The following ANO4 variants were observed in gnomAD, a reference collection of about 807,000 sequenced individuals.
The protein encoded by ANO4 is anoctamin-4.
In ANO4, 69 loss-of-function variants were observed where a neutral mutation model predicts 141.9. That is an observed-to-expected ratio of 0.49 (90% confidence interval 0.40 to 0.59). ANO4 has a LOEUF of 0.59. Ranked by LOEUF, ANO4 falls within the 20% of genes least tolerant of loss-of-function variation. ANO4 has a pLI of 0.00. For synonymous variants in ANO4, 350 were observed against 394.3 expected (o/e 0.89, Z 1.33); for missense variants, 894 against 1,162.2 (o/e 0.77, Z 3.36).
At chr12:101,052,652 T>TA (rs935874930) in intron 14 of ANO4, among the ~76,000 whole-genome samples, 6 of 152,334 alleles carry the variant, frequency 3.9e-5, no homozygotes, top group Admixed American at 3.3e-4. Context: ...ATGTCTCATT[T>TA]AAAAAAATAA....
chr12:100,737,747 G>A (rs1446400920), intron 2 of ANO4, among the ~76,000 whole-genome samples: 1 of 152,196 alleles, frequency 6.6e-6, no homozygotes, highest in Non-Finnish European at 1.5e-5. Context: ...AGCACTAGAG[G>A]GAGGACAGAT....
At chr12:101,022,530 A>G (rs1364872149) in intron 9 of ANO4, among the ~76,000 whole-genome samples, 1 of 152,248 alleles carries the variant, frequency 6.6e-6, no homozygotes, top group African/African-American at 2.4e-5. Context: ...TTATTCATTC[A>G]TATGGTTTTT....
At chr12:100,887,866 A>T (rs972974946) in intron 1 of ANO4, among the ~76,000 whole-genome samples, 6 of 152,202 alleles carry the variant, frequency 3.9e-5, no homozygotes, top group Admixed American at 3.9e-4. Flanking sequence ...TTGTGATGAT[A>T]TAGAGTTTAT....
At chr12:100,908,281 G>A (rs1486334751) in intron 2 of ANO4, among the ~76,000 whole-genome samples, 3 of 152,166 alleles carry the variant, frequency 2.0e-5, no homozygotes, top group Non-Finnish European at 4.4e-5. Context: ...CTCGGGAGGC[G>A]GAGGTTGCGG....
intron 3 of ANO4, among the ~76,000 whole-genome samples, chr12:100,752,735 T>G (rs2032440148): frequency 6.6e-6 from 1 of 152,210 alleles, no homozygotes; most frequent in Admixed American, 6.5e-5. Context: ...GGCAAAGATG[T>G]GATCCCTCAA....
chr12:100,916,374 AAAAT>A (rs2041341515), intron 2 of ANO4, among the ~76,000 whole-genome samples: 2 of 151,942 alleles, frequency 1.3e-5, no homozygotes, highest in Admixed American at 1.3e-4. Flanking sequence ...AGACTAAAAA[AAAAT>A]CAGAGCGTCT....
chr12:101,065,576 C>T (rs536258954), intron 14 of ANO4, among the ~76,000 whole-genome samples: 6 of 152,240 alleles, frequency 3.9e-5, no homozygotes, highest in Non-Finnish European at 8.8e-5. Context: ...ATTCCAAAAT[C>T]TGAACAGACC....
chr12:101,093,848 A>G (rs925881496), intron 17 of ANO4, among the ~76,000 whole-genome samples: 2 of 152,154 alleles, frequency 1.3e-5, no homozygotes, highest in Non-Finnish European at 2.9e-5. Flanking sequence ...CAGTCCATAA[A>G]GAATAGGATT....
At chr12:100,959,878 A>G (rs12578778) in intron 5 of ANO4, among the ~76,000 whole-genome samples, 18,209 of 152,054 alleles carry the variant, frequency 0.12, 1,400 homozygotes, top group East Asian at 0.4. Context: ...ATAGCTTTAT[A>G]TAGCTTCTGC....
At chr12:100,720,110 C>T (rs2030797472) in intron 1 of ANO4, among the ~76,000 whole-genome samples, 1 of 152,060 alleles carries the variant, frequency 6.6e-6, no homozygotes, top group Non-Finnish European at 1.5e-5. Flanking sequence ...GGATGGGAGA[C>T]AAGTATTTTT....
At chr12:100,978,362 A>G (rs1373105745) in intron 7 of ANO4, among the ~76,000 whole-genome samples, 1 of 152,230 alleles carries the variant, frequency 6.6e-6, no homozygotes, top group Non-Finnish European at 1.5e-5. Flanking sequence ...TGGGGGTGGG[A>G]TGGACAATAA....
intron 8 of ANO4, among the ~76,000 whole-genome samples, chr12:101,002,020 G>A (rs1030941954): frequency 6.6e-6 from 1 of 151,846 alleles, no homozygotes; most frequent in Non-Finnish European, 1.5e-5. Flanking sequence ...CAACCTTGAC[G>A]CTCCCATCTT....
rs549625437 is a variant in ANO4 at position 100,997,380 on chromosome 12, C to T, written c.734+9710C>T. Among the ~76,000 whole-genome samples the T allele has an allele frequency of 7.3e-4, 111 of 151,300 alleles. 2 individuals are homozygous for T. In the South Asian group the frequency reaches 0.022, roughly 30 times the overall value. On this transcript the variant is annotated intron_variant, in intron 8 of 27. Transcript: ENST00000392977. The stretch of plus-strand genomic sequence containing the variant: ...TCTTTTCTCCACAGTGCTGCCACCT[C>T]CTGTAGGTGCCACATAAATGGAGCC...
chr12:101,015,009 T>G (rs1461318145), intron 8 of ANO4, among the ~76,000 whole-genome samples: 3 of 150,386 alleles, frequency 2.0e-5, no homozygotes, highest in Non-Finnish European at 3.0e-5. Flanking sequence ...TTTTTTTTTG[T>G]AGAGATGGGG....
chr12:100,924,714 A>T (rs1390507047), intron 3 of ANO4, among the ~76,000 whole-genome samples: 1 of 152,124 alleles, frequency 6.6e-6, no homozygotes, highest in Non-Finnish European at 1.5e-5. Flanking sequence ...TTGAAAGATG[A>T]TAGGTTGTAC....
chr12:100,901,735 C>A lies in ANO4; in HGVS notation c.-51C>A. 1 of 1,552,942 alleles carries A rather than the reference C, an allele frequency of 6.4e-7. No homozygotes were observed. Among genetic ancestry groups the A allele is most frequent in the Non-Finnish European group, 8.9e-7 (1 of 1,124,368 alleles). On this transcript the variant is annotated 5_prime_UTR_variant, in exon 2 of 28. In the 5' UTR this introduces an upstream ATG that the reference lacks. Coordinates refer to ENST00000392977, the MANE Select transcript of ANO4 (RefSeq NM_001286615.2). ...AAGCCGCCCAGCGTCACGTCGTCGC[C>A]TGCCTGTGGTCAGGCATTCCTCACT...
In ANO4 at chr12:101,098,084, A is replaced by G. The variant is rs1197622841; in HGVS notation, c.2006+139A>G. 3 of 694,882 alleles carry G rather than the reference A, an allele frequency of 4.3e-6. No homozygotes were observed. The East Asian group carries it at 7.9e-5, about 18-fold the overall frequency. The allele number at this position is 694,882 out of a possible 1,614,324, so 43.0% of individuals were successfully genotyped here. On this transcript the variant is annotated intron_variant, in intron 21 of 27. Coordinates refer to ENST00000392977, the MANE Select transcript of ANO4 (RefSeq NM_001286615.2). Reference sequence around the variant, plus strand: ...TGGAACTAAGTGCTCACATTTAGACATCCAAAGGCAGCCATGAAAATCATA... The same window carrying G: ...TGGAACTAAGTGCTCACATTTAGACGTCCAAAGGCAGCCATGAAAATCATA...
At chr12:101,042,883 G>A (rs1004985381) in intron 12 of ANO4, among the ~76,000 whole-genome samples, 9 of 152,170 alleles carry the variant, frequency 5.9e-5, no homozygotes, top group East Asian at 3.8e-4. Flanking sequence ...TATCTTGGGA[G>A]CGGTTCAGTG....
intron 3 of ANO4, among the ~76,000 whole-genome samples, chr12:100,741,816 A>C (rs537662702): frequency 3.3e-5 from 5 of 152,256 alleles, no homozygotes; most frequent in African/African-American, 1.2e-4. Flanking sequence ...AGTTTAATAA[A>C]ATCAGAAGTT....
Sources: gnomAD v4.1 joint callset for allele counts (sites outside exome capture counted in the v4.1 genomes callset) on GRCh38, gnomAD v4.1.1 for gene constraint, MANE v1.5 for transcripts, NCBI Gene and HGNC (gene_info 2026-07-23, HGNC 2026-07-21) for gene names.